Variants in SUPV3L1 observed in about 807,000 individuals in gnomAD.
SUPV3L1 encodes ATP-dependent RNA helicase SUPV3L1, mitochondrial.
Under a neutral mutation model 70.0 loss-of-function variants are expected in SUPV3L1, and 35 were observed. The ratio of observed to expected loss-of-function variants is 0.50; its 90% CI spans 0.38 to 0.66. SUPV3L1 has a LOEUF of 0.66. SUPV3L1 is among the 30% of genes least tolerant of loss of function. The probability of loss-of-function intolerance (pLI) is 0.00; values close to 1 mark genes in which losing one functional copy is unlikely to be tolerated. For synonymous variants in SUPV3L1, 364 were observed against 341.9 expected (o/e 1.06, Z -0.71); for missense variants, 777 against 961.5 (o/e 0.81, Z 2.54).
chr10:69,189,547 T>C (rs1310296016), intron 5 of SUPV3L1, 112 bp downstream of exon 5: 2 of 1,159,148 alleles, frequency 1.7e-6, no homozygotes, highest in Non-Finnish European at 1.2e-6. Context: ...CCATATTTCA[T>C]TGTGTCTAAG....
intron 1 of SUPV3L1, chr10:69,182,593 GT>G: frequency 2.0e-6 from 2 of 985,388 alleles, no homozygotes; most frequent in South Asian, 9.4e-5. Context: ...ACATGGGTTT[GT>G]CAGCACTAGA....
In SUPV3L1 at chr10:69,202,784, C is replaced by G. The variant is rs1046966269; in HGVS notation, c.1600-83C>G. 25 of 1,386,158 alleles carry G rather than the reference C, an allele frequency of 1.8e-5. No individual in the cohort carries two copies. The Admixed American group carries it at 5.2e-4, about 29-fold the overall frequency. The allele number at this position is 1,386,158 out of a possible 1,614,324, so 85.9% of individuals were successfully genotyped here. On this transcript the variant is annotated intron_variant, in intron 12 of 14. Transcript: ENST00000359655. ...GTTTGTTCTGGATTAAAGAGATTGT[C>G]TTTTATAGACTTGAGTATGTTATTC...
At chr10:69,199,009 G>T in intron 9 of SUPV3L1, 95 bp from the exon 10 acceptor site, 1 of 867,280 alleles carries the variant, frequency 1.2e-6, no homozygotes, top group Non-Finnish European at 1.8e-6. Flanking sequence ...CATTAAAAAT[G>T]GGAAGAACAG....
intron 7 of SUPV3L1, 35 bp from the exon 8 acceptor site, chr10:69,196,957 C>T: frequency 6.4e-7 from 1 of 1,562,420 alleles, no homozygotes; most frequent in Non-Finnish European, 8.8e-7. Context: ...AATTATAAAT[C>T]TTTAAAATTA....
intron 8 of SUPV3L1, among the ~76,000 whole-genome samples, chr10:69,198,156 ACT>A (rs968412356): frequency 2.0e-5 from 3 of 152,274 alleles, no homozygotes; most frequent in East Asian, 1.9e-4. Flanking sequence ...CAGGTGAAAC[ACT>A]CTGTTTCATC....
In SUPV3L1 at chr10:69,198,373, T is replaced by G; in HGVS notation, c.1025T>G (p.Val342Gly). The part of the protein sequence containing the change: ...LMYTTGEEVE[V>G]RDYKRLTPIS... ...TGCCATTTCATGTCTTTATTGTAGGTTCGAGACTATAAGAGGCTTACCCCC... is the reference window on the plus strand; with the variant it reads ...TGCCATTTCATGTCTTTATTGTAGGGTCGAGACTATAAGAGGCTTACCCCC... Residue 342 changes from valine (V) to glycine (G), a missense_variant and splice_region_variant, in exon 9 of 15, where the codon GTT becomes GGT. Around this residue, in one of 2 missense-constraint regions of SUPV3L1, gnomAD observed 619 missense variants for 823.3 expected, o/e 0.75. Transcript: ENST00000359655. 6.3e-7 allele frequency: 1 copy of G among 1,595,046 alleles called. No homozygotes were observed.
intron 8 of SUPV3L1, 123 bp from the exon 9 acceptor site, chr10:69,198,248 GA>G: frequency 1.3e-6 from 1 of 748,670 alleles, no homozygotes; most frequent in South Asian, 2.9e-5. Flanking sequence ...GTTTTCTTTT[GA>G]AAAACATTGG....
chr10:69,198,588 TCTC>T, intron 9 of SUPV3L1, 36 bp downstream of exon 9: 2 of 1,593,114 alleles, frequency 1.3e-6, no homozygotes, highest in Non-Finnish European at 1.7e-6. Flanking sequence ...AGATATGAAA[TCTC>T]CTATCTTTGC....
In SUPV3L1 at chr10:69,195,284, A is replaced by G. The variant is rs770274620; in HGVS notation, c.931+19A>G. 1.4e-5 allele frequency: 22 copies of G among 1,580,348 alleles called. No individual in the cohort carries two copies. The African/African-American group carries it at 2.5e-4, about 18-fold the overall frequency. ...CTTCTAGGTTGGTGGTCGTAATGCT[A>G]TAAAACCCGTGCTTTATGACATCTG... On this transcript the variant is annotated intron_variant, in intron 7 of 14. Transcript: ENST00000359655.
chr10:69,204,316 C>CCA (rs1194388883), intron 13 of SUPV3L1, among the ~76,000 whole-genome samples: 1 of 152,180 alleles, frequency 6.6e-6, no homozygotes, highest in East Asian at 1.9e-4. Flanking sequence ...GCCTCCTCTT[C>CCA]TCTGAATCTT....
chr10:69,185,795 C>T (rs10998628), intron 1 of SUPV3L1, among the ~76,000 whole-genome samples, 192 bp from the exon 2 acceptor site: 2 of 152,034 alleles, frequency 1.3e-5, no homozygotes, highest in African/African-American at 2.4e-5. Flanking sequence ...CCACCGTGCC[C>T]GGCCAACTCG....
intron 7 of SUPV3L1, 92 bp from the exon 8 acceptor site, chr10:69,196,900 T>C (rs907074815): frequency 1.9e-6 from 2 of 1,077,996 alleles, no homozygotes; most frequent in Middle Eastern, 2.4e-4. Flanking sequence ...TAAAGCAATA[T>C]GTAAGCCAAC....
In SUPV3L1 at chr10:69,198,459, G is replaced by A. The variant is rs757792592; in HGVS notation, c.1111G>A (p.Val371Ile). 1.9e-6 allele frequency: 3 copies of A among 1,613,940 alleles called. No homozygotes were observed. Among genetic ancestry groups the A allele is most frequent in the East Asian group, 2.2e-5 (1 of 44,886 alleles). The change falls in exon 9 of 15, where the codon GTC (valine) becomes ATC (isoleucine). Residue 371 changes from valine to isoleucine, a missense_variant. Transcript: ENST00000359655. ...LDNLRPGDCI[V>I]CFSKNDIYSV... ...TAACCTTCGGCCTGGGGACTGCATT[G>A]TCTGTTTTAGCAAGAATGATATTTA...
intron 11 of SUPV3L1, among the ~76,000 whole-genome samples, chr10:69,201,229 ACT>A (rs991798621): frequency 2.0e-5 from 3 of 151,290 alleles, no homozygotes; most frequent in African/African-American, 7.3e-5. Flanking sequence ...CATGTCTTGG[ACT>A]CTTCTTCCCT....
rs1325351080 is a variant in SUPV3L1 at position 69,189,356 on chromosome 10, A to T, written c.662A>T (p.Tyr221Phe). 4 of 1,614,046 alleles carry T rather than the reference A, an allele frequency of 2.5e-6. No individual in the cohort carries two copies. In the Admixed American group the frequency reaches 5.0e-5, roughly 20 times the overall value. Reference sequence around the variant, plus strand: ...AAGACTTATCACGCAATCCAGAAATACTTCTCAGCAAAGTCTGGAGTGTAT... The same window carrying T: ...AAGACTTATCACGCAATCCAGAAATTCTTCTCAGCAAAGTCTGGAGTGTAT... ...SGKTYHAIQKYFSAKSGVYCG... is the reference protein window; with the variant it reads ...SGKTYHAIQKFFSAKSGVYCG... The change falls in exon 5 of 15, where the codon TAC becomes TTC. Residue 221 changes from tyrosine to phenylalanine, a missense_variant. By Grantham distance (22) the Tyr-to-Phe change is conservative. This residue lies in a region of SUPV3L1 where 619 missense variants were observed against 823.3 expected (regional missense o/e 0.75). Transcript: ENST00000359655.
At position 69,207,940 on chromosome 10, in the gene SUPV3L1, A is replaced by C. The variant is rs750670256; in HGVS notation, c.1924A>C (p.Ser642Arg). ...HDVLDLYLWL[S>R]YRFMDMFPDA... Reference sequence around the variant, plus strand: ...TGTCTTGGATCTTTACTTGTGGCTAAGGTACCAACATTTTTCCTTTATGTG... The same window carrying C: ...TGTCTTGGATCTTTACTTGTGGCTACGGTACCAACATTTTTCCTTTATGTG... The change falls in exon 14 of 15, where the codon AGC becomes CGC. Residue 642 changes from serine to arginine, a missense_variant and splice_region_variant. Ser to Arg is a moderately radical substitution (Grantham distance 110). Transcript: ENST00000359655. The C allele has an allele frequency of 5.0e-6, 8 of 1,612,906 alleles. No homozygotes were observed. Among genetic ancestry groups the C allele is most frequent in the South Asian group, 2.2e-5 (2 of 90,848 alleles).
chr10:69,184,225 C>T lies in SUPV3L1; in HGVS notation c.272-1762C>T, dbSNP rs555860651. Among the ~76,000 whole-genome samples, 4 of 152,108 alleles carry T rather than the reference C, an allele frequency of 2.6e-5. No homozygotes were observed. The East Asian group carries it at 7.8e-4, about 29-fold the overall frequency. On this transcript the variant is annotated intron_variant, in intron 1 of 14. Coordinates refer to ENST00000359655, the MANE Select transcript of SUPV3L1 (RefSeq NM_003171.5). ...CTTTTATTTGTCATTGGTTTTTCTA[C>T]CCTTGATACCAAGAAACTGTTGGCC...
chr10:69,201,933 T>C (rs553210632), intron 11 of SUPV3L1, among the ~76,000 whole-genome samples: 1 of 151,470 alleles, frequency 6.6e-6, no homozygotes, highest in African/African-American at 2.4e-5. Context: ...CTCTGCCTGC[T>C]GGGTTCAAGT....
At chr10:69,189,892 C>T (rs757807140) in intron 5 of SUPV3L1, among the ~76,000 whole-genome samples, 1 of 152,050 alleles carries the variant, frequency 6.6e-6, no homozygotes, top group Non-Finnish European at 1.5e-5. Flanking sequence ...GTGATCTGCC[C>T]GTCTCGGCCT....
Sources: gnomAD v4.1 joint callset for allele counts (sites outside exome capture counted in the v4.1 genomes callset) on GRCh38, gnomAD v4.1.1 for gene constraint, gnomAD v4.1.1 regional missense constraint, MANE v1.5 for transcripts, NCBI Gene and HGNC (gene_info 2026-07-23, HGNC 2026-07-21) for gene names.